The following SNRPN variants were observed in gnomAD, a reference collection of about 807,000 sequenced individuals.
The protein encoded by SNRPN is small nuclear ribonucleoprotein-associated protein N.
SNRPN carries 7 observed loss-of-function variants against 25.2 expected under a neutral mutation model. The ratio of observed to expected loss-of-function variants is 0.28; its 90% CI spans 0.16 to 0.52. SNRPN has a LOEUF of 0.52. Ranked by LOEUF, SNRPN falls within the 20% of genes least tolerant of loss-of-function variation. The pLI, the probability that SNRPN is intolerant of heterozygous loss-of-function variation, is 0.96. For missense variants in SNRPN, 196 were observed against 322.5 expected, an observed-to-expected ratio of 0.61 and a Z score of 3.00; for synonymous variants, 124 against 110.6, an observed-to-expected ratio of 1.12 and a Z score of -0.76.
intron 3 of SNRPN, among the ~76,000 whole-genome samples, chr15:24,971,543 A>G (rs2076407743): frequency 6.6e-6 from 1 of 151,348 alleles, no homozygotes. Context: ...ATTATGATAT[A>G]TATATAAATA....
At chr15:24,845,543 A>C (rs2052116027) in intron 2 of SNRPN, among the ~76,000 whole-genome samples, 1 of 152,094 alleles carries the variant, frequency 6.6e-6, no homozygotes, top group African/African-American at 2.4e-5. Flanking sequence ...AGTTGCAGTG[A>C]GCCGAGATCA....
At chr15:24,954,406 G>A (rs747141026), upstream of SNRPN, among the ~76,000 whole-genome samples, 1 of 152,158 alleles carries the variant, frequency 6.6e-6, no homozygotes, top group Non-Finnish European at 1.5e-5. Context: ...CCGTATAGGA[G>A]AGTTTAATTA....
intron 1 of SNRPN, among the ~76,000 whole-genome samples, chr15:24,871,223 G>C (rs2055089792): frequency 6.6e-6 from 1 of 151,678 alleles, no homozygotes. Flanking sequence ...CGTACATTTA[G>C]GTTCACTGTT....
chr15:24,940,310 T>G (rs1224332165), intron 3 of SNRPN, among the ~76,000 whole-genome samples: 1 of 152,162 alleles, frequency 6.6e-6, no homozygotes, highest in Non-Finnish European at 1.5e-5. Context: ...TTATGAAGCG[T>G]TTTTTCCTGA....
At chr15:24,961,346 C>T (rs72695314) in intron 1 of SNRPN, among the ~76,000 whole-genome samples, 1,803 of 152,218 alleles carry the variant, frequency 0.012, 25 homozygotes, top group Admixed American at 0.021. Flanking sequence ...TAGCTTTTGG[C>T]ATGTATCTTT....
intron 1 of SNRPN, among the ~76,000 whole-genome samples, chr15:24,956,306 T>C (rs1034297793): frequency 5.5e-5 from 8 of 144,588 alleles, no homozygotes; most frequent in African/African-American, 2.0e-4. Flanking sequence ...TGCAGCTCCT[T>C]CAAGATGGCC....
intron 3 of SNRPN, among the ~76,000 whole-genome samples, chr15:24,971,554 T>A (rs1436850783): frequency 6.6e-6 from 1 of 151,618 alleles, no homozygotes; most frequent in Non-Finnish European, 1.5e-5. Context: ...TATATAAATA[T>A]AAAATAATAA....
intron 2 of SNRPN, among the ~76,000 whole-genome samples, chr15:24,835,089 AAT>A (rs1250387228): frequency 0.017 from 421 of 25,080 alleles, 102 homozygotes; most frequent in African/African-American, 0.04. Context: ...CTATATATAA[AAT>A]ATATAGATAT....
intron 2 of SNRPN, among the ~76,000 whole-genome samples, chr15:24,846,909 A>C (rs973509809): frequency 1.3e-5 from 2 of 152,192 alleles, no homozygotes; most frequent in African/African-American, 4.8e-5. Flanking sequence ...ATTTGAAAGA[A>C]AAAACAAATG....
chr15:24,923,592 GGT>G (rs1405446854), intron 3 of SNRPN, among the ~76,000 whole-genome samples: 2 of 152,100 alleles, frequency 1.3e-5, no homozygotes, highest in Non-Finnish European at 2.9e-5. Flanking sequence ...GTAAGTAAAT[GGT>G]GGTATAGGAA....
rs771306799 is a variant in SNRPN, at chr15:24,827,148, GGTGA to G, written c.-686-2635_-686-2632del. On this transcript the variant is annotated intron_variant, in intron 1 of 12. Coordinates refer to the SNRPN transcript ENST00000400100. Reference sequence around the variant, plus strand: ...TTTTGCAGGACCGGAAGTTCATCCAGGTGAGTGAGTGAGTGAGTTGTGAGTGAAG... The same window carrying G: ...TTTTGCAGGACCGGAAGTTCATCCAGGTGAGTGAGTGAGTTGTGAGTGAAG... 7.9e-5 allele frequency among the ~76,000 whole-genome samples: 12 copies of G among 152,150 alleles called. 1 individual carries two copies. In the East Asian group the frequency reaches 1.4e-3, roughly 17 times the overall value.
chr15:24,928,025 A>T (rs11857470), intron 3 of SNRPN, among the ~76,000 whole-genome samples: 1 of 152,208 alleles, frequency 6.6e-6, no homozygotes, highest in Non-Finnish European at 1.5e-5. Flanking sequence ...CAAAACCACA[A>T]TGAGATATCA....
At chr15:24,834,966 G>A (rs372883410) in intron 2 of SNRPN, among the ~76,000 whole-genome samples, 1 of 33,610 alleles carries the variant, frequency 3.0e-5, no homozygotes, top group Non-Finnish European at 5.5e-5. Context: ...AGTATATATA[G>A]TATATATATC....
At chr15:24,966,483 C>T (rs908403614) in intron 2 of SNRPN, among the ~76,000 whole-genome samples, 2 of 152,106 alleles carry the variant, frequency 1.3e-5, no homozygotes, top group African/African-American at 4.8e-5. Flanking sequence ...CTGGACATGT[C>T]ACTGAATTCA....
chr15:24,835,019 A>G (rs1462582773), intron 2 of SNRPN, among the ~76,000 whole-genome samples: 1 of 66,076 alleles, frequency 1.5e-5, no homozygotes, highest in Non-Finnish European at 3.0e-5. Context: ...TCTATATATA[A>G]AATAGATATA....
chr15:24,844,152 TTGTG>T (rs1566816917), intron 2 of SNRPN, among the ~76,000 whole-genome samples: 1 of 134,756 alleles, frequency 7.4e-6, no homozygotes, highest in Non-Finnish European at 1.6e-5. Flanking sequence ...GTGTGTGTGT[TTGTG>T]TGTGCGCATG....
intron 3 of SNRPN, among the ~76,000 whole-genome samples, chr15:24,930,627 C>T (rs1382918241): frequency 6.8e-6 from 1 of 147,876 alleles, no homozygotes; most frequent in Non-Finnish European, 1.5e-5. Context: ...TGCAGTGGCT[C>T]ACGCCTGTAA....
intron 3 of SNRPN, chr15:24,968,323 T>G (rs990821988): frequency 6.5e-6 from 2 of 307,090 alleles, no homozygotes; most frequent in East Asian, 7.6e-5. Flanking sequence ...TTTTGCGTTT[T>G]TTTTAATTAT....
At chr15:24,944,710 T>C (rs1369886164) in intron 3 of SNRPN, among the ~76,000 whole-genome samples, 5 of 152,188 alleles carry the variant, frequency 3.3e-5, no homozygotes, top group African/African-American at 4.8e-5. Flanking sequence ...CTGTGTGTGT[T>C]AGGGTTCTCC....
Sources: allele counts gnomAD v4.1 joint callset (sites outside exome capture counted in the v4.1 genomes callset), GRCh38; gene constraint gnomAD v4.1.1; transcripts MANE v1.5; gene names NCBI Gene and HGNC (gene_info 2026-07-23, HGNC 2026-07-21).